The following ARFGEF3 variants were observed in gnomAD, a reference collection of about 807,000 sequenced individuals.
ARFGEF3 encodes the protein brefeldin A-inhibited guanine nucleotide-exchange protein 3.
In ARFGEF3, 96 loss-of-function variants were observed where a neutral mutation model predicts 221.7. The ratio of observed to expected loss-of-function variants is 0.43; its 90% CI spans 0.37 to 0.51. ARFGEF3 has a LOEUF of 0.51. Ranked by LOEUF, ARFGEF3 falls within the 20% of genes least tolerant of loss-of-function variation. ARFGEF3 has a pLI of 0.00. For missense variants in ARFGEF3, 2,410 were observed against 2,789.9 expected, an observed-to-expected ratio of 0.86 and a Z score of 3.07; for synonymous variants, 1,145 against 1,126.8, an observed-to-expected ratio of 1.02 and a Z score of -0.32.
chr6:138,298,492 T>C (rs1562384069), intron 21 of ARFGEF3, 114 bp from the exon 22 acceptor site: 1 of 765,268 alleles, frequency 1.3e-6, no homozygotes, highest in Non-Finnish European at 2.1e-6. Context: ...GTTTTGATTT[T>C]AACAGAATTG....
At chr6:138,166,382 C>T (rs939722129) in intron 1 of ARFGEF3, among the ~76,000 whole-genome samples, 3 of 152,214 alleles carry the variant, frequency 2.0e-5, no homozygotes, top group Non-Finnish European at 4.4e-5. Flanking sequence ...TTTCCCTTTG[C>T]AAAAGGTCAT....
chr6:138,326,903 A>T (rs1330960926), intron 31 of ARFGEF3, among the ~76,000 whole-genome samples: 1 of 152,260 alleles, frequency 6.6e-6, no homozygotes, highest in Non-Finnish European at 1.5e-5. Flanking sequence ...AATGTGGTGC[A>T]CGGAATACTA....
chr6:138,177,850 T>C (rs1392688130), intron 2 of ARFGEF3, among the ~76,000 whole-genome samples: 1 of 152,252 alleles, frequency 6.6e-6, no homozygotes, highest in East Asian at 1.9e-4. Flanking sequence ...AATTTTTCAT[T>C]CATATCATGA....
intron 14 of ARFGEF3, among the ~76,000 whole-genome samples, 158 bp downstream of exon 14, chr6:138,280,322 A>G (rs1779176384): frequency 6.6e-6 from 1 of 152,140 alleles, no homozygotes; most frequent in Admixed American, 6.5e-5. Flanking sequence ...AAGTGTCATG[A>G]GTTCACTTCA....
At chr6:138,285,867 T>C (rs991860177) in intron 14 of ARFGEF3, 79 bp from the exon 15 acceptor site, 13 of 789,090 alleles carry the variant, frequency 1.6e-5, no homozygotes, top group Non-Finnish European at 2.9e-5. Flanking sequence ...TTGTTAAAAA[T>C]GAATATTGTG....
At chr6:138,262,538 T>A (rs1778813653) in intron 11 of ARFGEF3, among the ~76,000 whole-genome samples, 163 bp from the exon 12 acceptor site, 1 of 152,202 alleles carries the variant, frequency 6.6e-6, no homozygotes, top group Admixed American at 6.5e-5. Context: ...CACCTAGGCA[T>A]GTTTGTTTCT....
intron 20 of ARFGEF3, among the ~76,000 whole-genome samples, chr6:138,295,386 G>A (rs905050664): frequency 1.2e-4 from 18 of 151,910 alleles, no homozygotes; most frequent in African/African-American, 3.4e-4. Context: ...TTAGGAGGCC[G>A]AGGCGGGCAG....
chr6:138,326,957 T>C (rs1256975590), intron 31 of ARFGEF3, among the ~76,000 whole-genome samples: 1 of 152,194 alleles, frequency 6.6e-6, no homozygotes, highest in East Asian at 1.9e-4. Flanking sequence ...TGCAGGAACC[T>C]GGATGGAGTT....
intron 2 of ARFGEF3, among the ~76,000 whole-genome samples, chr6:138,177,441 A>T (rs1055676094): frequency 2.0e-5 from 3 of 152,094 alleles, no homozygotes; most frequent in African/African-American, 7.2e-5. Flanking sequence ...AGACAGTCTA[A>T]TTATAATATG....
chr6:138,174,389 C>G (rs999057834), intron 2 of ARFGEF3, among the ~76,000 whole-genome samples: 8 of 143,324 alleles, frequency 5.6e-5, no homozygotes, highest in Non-Finnish European at 1.1e-4. Flanking sequence ...GATTCCTCTT[C>G]CAGGCACTTT....
At chr6:138,207,551 A>C (rs1777646812) in intron 3 of ARFGEF3, among the ~76,000 whole-genome samples, 1 of 152,216 alleles carries the variant, frequency 6.6e-6, no homozygotes, top group Non-Finnish European at 1.5e-5. Flanking sequence ...GGTTAGATTG[A>C]TGAATGGATT....
chr6:138,179,954 T>C (rs1359954624), intron 2 of ARFGEF3, among the ~76,000 whole-genome samples: 1 of 152,108 alleles, frequency 6.6e-6, no homozygotes, highest in African/African-American at 2.4e-5. Flanking sequence ...GGACTACAGG[T>C]GTATGGCACC....
At chr6:138,217,152 T>A (rs1347615945) in intron 4 of ARFGEF3, 1 of 152,246 alleles carries the variant, frequency 6.6e-6, no homozygotes, top group Non-Finnish European at 1.5e-5. Flanking sequence ...TATCTATTAA[T>A]ATCTTTTTAA....
intron 32 of ARFGEF3, 131 bp downstream of exon 32, chr6:138,328,273 T>A: frequency 8.6e-7 from 1 of 1,157,678 alleles, no homozygotes; most frequent in South Asian, 1.8e-5. Flanking sequence ...TTAGCAAAGG[T>A]TTTCATAAAA....
Position 138,335,028 on chromosome 6 carries a change from C to G in ARFGEF3, c.6182C>G (p.Ser2061Cys). ...CCACTGGGTCCCAGGGGCCAGGACT[C>G]CCCGCTGCTTCAGCGTCCCCAGCAC... is the stretch of plus-strand genomic sequence containing the variant. Reference protein sequence around the residue: ...GEPLGPRGQDSPLLQRPQHLM... With the variant: ...GEPLGPRGQDCPLLQRPQHLM... Residue 2061 changes from serine to cysteine, a missense_variant, in exon 33 of 34, where the codon TCC (serine) becomes TGC (cysteine). Physicochemically the swap from Ser to Cys is moderately radical, Grantham distance 112. Coordinates refer to ENST00000251691, the MANE Select transcript of ARFGEF3 (RefSeq NM_020340.5). 6 of 1,593,404 alleles carry G rather than the reference C, an allele frequency of 3.8e-6. No individual in the cohort carries two copies. Among genetic ancestry groups the G allele is most frequent in the Non-Finnish European group, 5.1e-6 (6 of 1,170,696 alleles).
At chr6:138,187,364 C>T (rs768347743) in intron 2 of ARFGEF3, among the ~76,000 whole-genome samples, 4 of 152,200 alleles carry the variant, frequency 2.6e-5, no homozygotes, top group Non-Finnish European at 4.4e-5. Flanking sequence ...GGACCAGAGT[C>T]CTTTTCACAG....
intron 10 of ARFGEF3, among the ~76,000 whole-genome samples, chr6:138,257,011 C>G (rs1232758095): frequency 6.6e-6 from 1 of 152,108 alleles, no homozygotes; most frequent in East Asian, 1.9e-4. Context: ...TGAGCTCAAG[C>G]AATCCGCCCG....
Position 138,336,451 on chromosome 6 carries a change from G to A in ARFGEF3, c.6499G>A (p.Gly2167Ser). 1 of 1,612,308 alleles carries A rather than the reference G, an allele frequency of 6.2e-7. No homozygotes were observed. Among genetic ancestry groups the A allele is most frequent in the Non-Finnish European group, 8.5e-7 (1 of 1,179,220 alleles). ...RVRQAVREWL[G>S]RVGRVYDIIV ...TCGCCAGGCTGTGAGGGAGTGGCTG[G>A]GCAGGGTGGGCCGTGTCTATGACAT... Residue 2167 changes from glycine to serine, a missense_variant, in exon 34 of 34, where the codon GGC (glycine) becomes AGC (serine). Gly to Ser is a moderately conservative substitution (Grantham distance 56, BLOSUM62 0). This residue lies in a region of ARFGEF3 where 339 missense variants were observed against 334.9 expected (regional missense o/e 1.01). Transcript: ENST00000251691.
chr6:138,326,837 A>G (rs899482089), intron 31 of ARFGEF3, among the ~76,000 whole-genome samples: 7 of 152,348 alleles, frequency 4.6e-5, no homozygotes, highest in African/African-American at 7.2e-5. Flanking sequence ...ACTATTTACA[A>G]TAACAAATAC....
Sources: allele counts gnomAD v4.1 joint callset (sites outside exome capture counted in the v4.1 genomes callset), GRCh38; gene constraint gnomAD v4.1.1; regional missense constraint gnomAD v4.1.1; transcripts MANE v1.5; gene names NCBI Gene and HGNC (gene_info 2026-07-23, HGNC 2026-07-21).